The following CENPP variants were observed in gnomAD, a reference collection of about 807,000 sequenced individuals.
The protein encoded by CENPP is centromere protein P.
A neutral mutation model predicts 35.6 loss-of-function variants in CENPP; 24 were observed. The observed-to-expected ratio is 0.67, with a 90% confidence interval of 0.49 to 0.95. CENPP has a LOEUF of 0.95. CENPP is among the 40% of genes least tolerant of loss of function. CENPP has a pLI of 0.00. For missense variants in CENPP, 332 were observed against 345.3 expected, an observed-to-expected ratio of 0.96 and a Z score of 0.31; for synonymous variants, 120 against 125.5, an observed-to-expected ratio of 0.96 and a Z score of 0.29.
chr9:92,466,388 A>G (rs1845313576), intron 5 of CENPP: 1 of 1,608,842 alleles, frequency 6.2e-7, no homozygotes. Flanking sequence ...ATTCCTTTGA[A>G]TGTGTCCTTT....
At chr9:92,328,493 G>A (rs1286945326) in intron 1 of CENPP, among the ~76,000 whole-genome samples, 3 of 152,124 alleles carry the variant, frequency 2.0e-5, no homozygotes, top group Non-Finnish European at 4.4e-5. Context: ...AGTTTCCTCC[G>A]TGGTAAAATT....
chr9:92,551,315 G>A (rs1047564465), intron 5 of CENPP, among the ~76,000 whole-genome samples: 3 of 152,022 alleles, frequency 2.0e-5, no homozygotes, highest in African/African-American at 7.2e-5. Context: ...TTGTGATATA[G>A]CATACTTCCC....
chr9:92,548,866 T>C (rs932636044), intron 5 of CENPP, among the ~76,000 whole-genome samples: 3 of 152,208 alleles, frequency 2.0e-5, no homozygotes, highest in Non-Finnish European at 2.9e-5. Flanking sequence ...TTTGTGTGTG[T>C]GTGTGTGTGT....
intron 5 of CENPP, among the ~76,000 whole-genome samples, chr9:92,400,227 C>T (rs540682934): frequency 4.6e-5 from 7 of 152,216 alleles, no homozygotes; most frequent in South Asian, 4.1e-4. Context: ...CTCGGCTCAC[C>T]GCAACCTCCA....
chr9:92,578,198 A>G (rs1032405452), intron 5 of CENPP, among the ~76,000 whole-genome samples: 1 of 151,882 alleles, frequency 6.6e-6, no homozygotes, highest in Admixed American at 6.6e-5. Flanking sequence ...CCAGTCTATC[A>G]TTGTTGGGCA....
In CENPP at chr9:92,416,074, ATTTATT is replaced by A. The variant is rs1843596650; in HGVS notation, c.564+36217_564+36222del. Among the ~76,000 whole-genome samples, 217 of 135,926 alleles carry A rather than the reference ATTTATT, an allele frequency of 1.6e-3. 9 individuals carry two copies. In the South Asian group the frequency reaches 0.046, roughly 29 times the overall value. 89.2% of individuals were successfully genotyped at this position (135,926 alleles called of 152,430 possible). A position where few individuals can be genotyped will look rare whatever the true frequency, so the allele number is the denominator to read the frequency against. Reference sequence around the variant, plus strand: ...TATATGTGTGTATATATATATATTTATTTATTTATTTATTTATTTATTTATTTTATT... The same window carrying A: ...TATATGTGTGTATATATATATATTTATATTTATTTATTTATTTATTTTATT... On this transcript the variant is annotated intron_variant, in intron 5 of 7. Transcript: ENST00000375587.
chr9:92,609,809 C>T (rs1329102984), intron 5 of CENPP, among the ~76,000 whole-genome samples: 1 of 152,156 alleles, frequency 6.6e-6, no homozygotes, highest in Admixed American at 6.5e-5. Flanking sequence ...GGCACGATCT[C>T]GGCTCACTGC....
In CENPP at chr9:92,615,938, T is replaced by C. The variant is rs1851415273; in HGVS notation, c.*2789T>C. ...AGTCTTTGAATAATAGTTGACGATC[T>C]TGCCGTCCAGTTTATACTGATGGGG... is the stretch of plus-strand genomic sequence containing the variant. On this transcript the variant is annotated 3_prime_UTR_variant, in exon 8 of 8. Transcript: ENST00000375587. 8 of 1,614,200 alleles carry C rather than the reference T, an allele frequency of 5.0e-6. No homozygotes were observed. The highest frequency in any genetic ancestry group is 6.8e-6 in the Non-Finnish European group (8 of 1,180,020).
At chr9:92,435,985 C>T (rs936807059) in intron 5 of CENPP, among the ~76,000 whole-genome samples, 2 of 152,186 alleles carry the variant, frequency 1.3e-5, no homozygotes, top group African/African-American at 4.8e-5. Context: ...ACCTGGCAAA[C>T]TATTTTCCAG....
At chr9:92,573,754 G>C (rs1041860915) in intron 5 of CENPP, among the ~76,000 whole-genome samples, 1 of 152,188 alleles carries the variant, frequency 6.6e-6, no homozygotes, top group Non-Finnish European at 1.5e-5. Context: ...CACCCAGTTC[G>C]AGCTTCCCGG....
intron 5 of CENPP, chr9:92,515,253 T>C: frequency 7.1e-7 from 1 of 1,416,926 alleles, no homozygotes; most frequent in South Asian, 1.9e-5. Flanking sequence ...ATGATATTAA[T>C]AAAAGAAAAA....
Position 92,361,674 on chromosome 9 carries a change from G to C in CENPP, c.467+15887G>C, listed in dbSNP as rs1199125672. ...TTTTTGTATTTTTAGTAGAGATGGG[G>C]TTTCACCATGCTGGCCAGGCTGGTC... is the stretch of plus-strand genomic sequence containing the variant. On this transcript the variant is annotated intron_variant, in intron 4 of 7. Coordinates refer to ENST00000375587, the MANE Select transcript of CENPP (RefSeq NM_001012267.3). Among the ~76,000 whole-genome samples, 9 of 151,090 alleles carry C rather than the reference G, an allele frequency of 6.0e-5. No individual in the cohort carries two copies. In the East Asian group the frequency reaches 1.8e-3, roughly 30 times the overall value.
chr9:92,395,395 G>C (rs1842853669), intron 5 of CENPP, among the ~76,000 whole-genome samples: 1 of 152,002 alleles, frequency 6.6e-6, no homozygotes, highest in Non-Finnish European at 1.5e-5. Flanking sequence ...GTATTCAATT[G>C]TCTCAATATA....
chr9:92,554,662 G>A (rs1339912539), intron 5 of CENPP, among the ~76,000 whole-genome samples: 2 of 151,384 alleles, frequency 1.3e-5, no homozygotes, highest in Non-Finnish European at 2.9e-5. Flanking sequence ...TTCCGAGATG[G>A]AGTCTTGATC....
intron 1 of CENPP, among the ~76,000 whole-genome samples, chr9:92,330,811 C>T (rs1840722009): frequency 6.6e-6 from 1 of 151,386 alleles, no homozygotes; most frequent in Non-Finnish European, 1.5e-5. Context: ...GCCTCAGCCT[C>T]CTGGGTAGCC....
intron 5 of CENPP, among the ~76,000 whole-genome samples, chr9:92,571,706 TG>T (rs1471501878): frequency 6.6e-6 from 1 of 152,178 alleles, no homozygotes; most frequent in Non-Finnish European, 1.5e-5. Context: ...TATTATTCTG[TG>T]GGAGTCTAAG....
chr9:92,457,312 A>AAC, intron 5 of CENPP: 2 of 1,613,978 alleles, frequency 1.2e-6, no homozygotes, highest in South Asian at 2.2e-5. Context: ...TCCCAAGCTG[A>AAC]ACGCTCATTC....
chr9:92,354,046 G>A (rs1283395352), intron 4 of CENPP, among the ~76,000 whole-genome samples: 1 of 152,184 alleles, frequency 6.6e-6, no homozygotes, highest in Non-Finnish European at 1.5e-5. Context: ...AATTCCATGA[G>A]CATGAGCCCA....
At chr9:92,453,073 G>A (rs1309493973) in intron 5 of CENPP, among the ~76,000 whole-genome samples, 1 of 151,994 alleles carries the variant, frequency 6.6e-6, no homozygotes, top group Non-Finnish European at 1.5e-5. Context: ...TTAATTTTTT[G>A]AAGGGTTTTT....
Sources: allele counts gnomAD v4.1 joint callset (sites outside exome capture counted in the v4.1 genomes callset), GRCh38; gene constraint gnomAD v4.1.1; transcripts MANE v1.5; gene names NCBI Gene and HGNC (gene_info 2026-07-23, HGNC 2026-07-21).